The following AAK1 variants were observed in gnomAD, a reference collection of about 807,000 sequenced individuals.
AAK1 encodes AP2 associated kinase 1.
In AAK1, 37 loss-of-function variants were observed where a neutral mutation model predicts 116.0. The observed-to-expected ratio is 0.32, with a 90% CI of 0.25 to 0.42. The LOEUF (loss-of-function observed/expected upper bound fraction) is 0.42, where lower values mean the gene tolerates loss of function less well. AAK1 is among the 10% of genes least tolerant of loss of function. AAK1 has a pLI of 1.00. For synonymous variants in AAK1, 458 were observed against 439.9 expected, an observed-to-expected ratio of 1.04 and a Z score of -0.51; for missense variants, 919 against 1,170.6, an observed-to-expected ratio of 0.79 and a Z score of 3.14.
intron 2 of AAK1, among the ~76,000 whole-genome samples, chr2:69,587,180 G>A (rs1672805058): frequency 6.6e-6 from 1 of 151,504 alleles, no homozygotes; most frequent in Non-Finnish European, 1.5e-5. Flanking sequence ...GACCTCCTGG[G>A]CTCAAGCAAT....
chr2:69,550,018 T>C (rs1671109193), intron 3 of AAK1, among the ~76,000 whole-genome samples: 1 of 152,226 alleles, frequency 6.6e-6, no homozygotes, highest in Non-Finnish European at 1.5e-5. Context: ...GCTTTCTTTT[T>C]AGAAAGTTTC....
chr2:69,465,989 AG>A lies in AAK1; in HGVS notation c.*9879del. 3 of 1,290,844 alleles carry A rather than the reference AG, an allele frequency of 2.3e-6. No individual in the cohort carries two copies. Among genetic ancestry groups the A allele is most frequent in the Non-Finnish European group, 3.0e-6 (3 of 988,862 alleles). 80.0% of individuals were successfully genotyped at this position (1,290,844 alleles called of 1,614,324 possible). Reference sequence around the variant, plus strand: ...CCATGCTTTTCTTCTTAGTGAAAGGAGCTCTCAAAAACACGTCTGACTCCTC... The same window carrying A: ...CCATGCTTTTCTTCTTAGTGAAAGGACTCTCAAAAACACGTCTGACTCCTC... On this transcript the variant is annotated 3_prime_UTR_variant, in exon 22 of 22. Transcript: ENST00000409085.
At chr2:69,492,689 A>G (rs537767981) in intron 17 of AAK1, among the ~76,000 whole-genome samples, 9 of 150,794 alleles carry the variant, frequency 6.0e-5, no homozygotes, top group African/African-American at 9.8e-5. Context: ...CGCCTGGCTA[A>G]TTTTTGTATT....
intron 2 of AAK1, among the ~76,000 whole-genome samples, chr2:69,594,534 T>C (rs180785281): frequency 2.0e-5 from 3 of 152,346 alleles, no homozygotes; most frequent in East Asian, 3.9e-4. Context: ...CAGAGAGCCA[T>C]GTTTTCATGG....
chr2:69,540,199 G>A (rs1463512969), intron 5 of AAK1, among the ~76,000 whole-genome samples: 1 of 145,610 alleles, frequency 6.9e-6, no homozygotes, highest in Admixed American at 7.0e-5. Context: ...TCGGCTCACT[G>A]CAACCTCCGC....
intron 3 of AAK1, among the ~76,000 whole-genome samples, chr2:69,549,224 C>T (rs549600517): frequency 8.3e-4 from 126 of 152,222 alleles, no homozygotes; most frequent in Middle Eastern, 3.4e-3. Flanking sequence ...CAAAAATTAG[C>T]CAGGCGTGGT....
intron 18 of AAK1, 180 bp from the exon 19 acceptor site, chr2:69,481,141 T>C: frequency 2.0e-6 from 1 of 491,318 alleles, no homozygotes; most frequent in East Asian, 3.7e-5. Flanking sequence ...TGGTTACAAG[T>C]GTGAGCCACT....
intron 2 of AAK1, chr2:69,598,209 G>T: frequency 1.5e-6 from 1 of 686,702 alleles, no homozygotes; most frequent in South Asian, 6.0e-5. Context: ...ATCGATATTT[G>T]AAATTTAGTA....
rs771028925 is a variant in AAK1 at position 69,532,181 on chromosome 2, C to A, written c.535-19G>T. ...TTTCAACCTGAAAAACATTCCCCAACCACCCATTCCAAGATATCATTTAGT... is the reference window on the plus strand; with the variant it reads ...TTTCAACCTGAAAAACATTCCCCAAACACCCATTCCAAGATATCATTTAGT... On this transcript the variant is annotated intron_variant, in intron 5 of 21. Coordinates refer to ENST00000409085, the MANE Select transcript of AAK1 (RefSeq NM_014911.5). The A allele has an allele frequency of 3.1e-6, 5 of 1,612,252 alleles. No homozygotes were observed. The South Asian group carries it at 3.3e-5, about 11-fold the overall frequency.
Position 69,467,309 on chromosome 2 carries a change from T to G in AAK1, c.*8560A>C. On this transcript the variant is annotated 3_prime_UTR_variant, in exon 22 of 22. Coordinates refer to ENST00000409085, the MANE Select transcript of AAK1 (RefSeq NM_014911.5). ...AAATGCATGGGCCATTACAGAAGCA[T>G]TAGCAAACTCCAATATACTAGTCTA... is the stretch of plus-strand genomic sequence containing the variant. 1.0e-6 allele frequency: 1 copy of G among 985,462 alleles called. No individual in the cohort carries two copies. The highest frequency in any genetic ancestry group is 1.2e-6 in the Non-Finnish European group (1 of 829,930). 61.0% of individuals were successfully genotyped at this position (985,462 alleles called of 1,614,324 possible). A position where few individuals can be genotyped will look rare whatever the true frequency, so the allele number is the denominator to read the frequency against.
At chr2:69,523,789 C>T (rs1669893686) in intron 10 of AAK1, among the ~76,000 whole-genome samples, 1 of 152,226 alleles carries the variant, frequency 6.6e-6, no homozygotes, top group Non-Finnish European at 1.5e-5. Flanking sequence ...GCCCTAACCT[C>T]CAACCCACAG....
At chr2:69,526,709 AT>A (rs1275972610) in intron 9 of AAK1, among the ~76,000 whole-genome samples, 1 of 152,230 alleles carries the variant, frequency 6.6e-6, no homozygotes, top group African/African-American at 2.4e-5. Context: ...AAACATTCTT[AT>A]GGCTTGATGT....
rs985121684 is a variant in AAK1 at position 69,581,651 on chromosome 2, T to C, written c.164-24673A>G. Among the ~76,000 whole-genome samples, 4 of 152,096 alleles carry C rather than the reference T, an allele frequency of 2.6e-5. No homozygotes were observed. In the East Asian group the frequency reaches 5.8e-4, roughly 22 times the overall value. ...TACATTTATGATAACAGGTTGAAAA[T>C]TGACGCAAAACACTTTCTTTAGGTT... On this transcript the variant is annotated intron_variant, in intron 2 of 21. Coordinates refer to ENST00000409085, the MANE Select transcript of AAK1 (RefSeq NM_014911.5).
At chr2:69,557,007 T>A (rs368970325) in intron 2 of AAK1, 29 bp from the exon 3 acceptor site, 1 of 1,556,708 alleles carries the variant, frequency 6.4e-7, no homozygotes, top group Non-Finnish European at 8.9e-7. Flanking sequence ...CAAGCTCTTT[T>A]GAGTCAATGT....
rs570406825 is a variant in AAK1 at position 69,468,100 on chromosome 2, T to G, written c.*7769A>C. On this transcript the variant is annotated 3_prime_UTR_variant, in exon 22 of 22. Coordinates refer to ENST00000409085, the MANE Select transcript of AAK1 (RefSeq NM_014911.5). The stretch of plus-strand genomic sequence containing the variant: ...TGCCAAATGGCTTTCAGAATAGTAT[T>G]TGAAGAATAAGATTTTGAAAAGAAT... The G allele has an allele frequency of 1.1e-4, 109 of 985,358 alleles. 1 individual carries two copies. The South Asian group carries it at 4.7e-3, about 42-fold the overall frequency. The allele number at this position is 985,358 out of a possible 1,614,324, so 61.0% of individuals were successfully genotyped here. A position where few individuals can be genotyped will look rare whatever the true frequency, so the allele number is the denominator to read the frequency against.
chr2:69,519,364 CCTCA>C (rs994284319), intron 11 of AAK1, 124 bp from the exon 12 acceptor site: 4 of 1,308,354 alleles, frequency 3.1e-6, no homozygotes, highest in Middle Eastern at 2.2e-4. Context: ...TTCGTGTCCT[CCTCA>C]CTGTCTTTCC....
intron 3 of AAK1, among the ~76,000 whole-genome samples, chr2:69,555,380 CA>C (rs1186545155): frequency 6.6e-6 from 1 of 152,170 alleles, no homozygotes; most frequent in Admixed American, 6.5e-5. Flanking sequence ...AGAGTAGTGC[CA>C]GGCTCTCTAA....
chr2:69,506,975 T>C (rs188727702), intron 15 of AAK1, among the ~76,000 whole-genome samples: 9 of 152,066 alleles, frequency 5.9e-5, no homozygotes, highest in African/African-American at 2.2e-4. Context: ...TGTAGTACAG[T>C]AATACAGAAC....
intron 2 of AAK1, among the ~76,000 whole-genome samples, chr2:69,619,974 G>T (rs1674519922): frequency 6.6e-6 from 1 of 152,176 alleles, no homozygotes; most frequent in African/African-American, 2.4e-5. Context: ...GGGAATCACT[G>T]GACGCTTCTG....
Sources: gnomAD v4.1 joint callset for allele counts (sites outside exome capture counted in the v4.1 genomes callset) on GRCh38, gnomAD v4.1.1 for gene constraint, MANE v1.5 for transcripts, NCBI Gene and HGNC (gene_info 2026-07-23, HGNC 2026-07-21) for gene names.